The following C8orf88 variants were observed in gnomAD, a reference collection of about 807,000 sequenced individuals.
C8orf88 encodes the protein uncharacterized protein C8orf88.
Under a neutral mutation model 18.4 loss-of-function variants are expected in C8orf88, and 14 were observed. The ratio of observed to expected loss-of-function variants is 0.76; its 90% CI spans 0.50 to 1.19. The LOEUF is 1.19. C8orf88 is among the 50% of genes most tolerant of loss of function. C8orf88 has a pLI of 0.00. For missense variants in C8orf88, 116 were observed against 134.7 expected, an observed-to-expected ratio of 0.86 and a Z score of 0.69; for synonymous variants, 45 against 42.9, an observed-to-expected ratio of 1.05 and a Z score of -0.19.
At chr8:90,973,107 A>T (rs1366860871) in intron 3 of C8orf88, among the ~76,000 whole-genome samples, 1 of 152,132 alleles carries the variant, frequency 6.6e-6, no homozygotes, top group Non-Finnish European at 1.5e-5. Flanking sequence ...CAGAAAAATA[A>T]AAGAGCAAAT....
At chr8:90,978,058 C>T (rs1026342703) in intron 3 of C8orf88, among the ~76,000 whole-genome samples, 1 of 152,114 alleles carries the variant, frequency 6.6e-6, no homozygotes, top group African/African-American at 2.4e-5. Context: ...TACTTCTGAT[C>T]AGAGGAAATA....
chr8:90,970,479 T>C (rs375877479), intron 4 of C8orf88, among the ~76,000 whole-genome samples: 72 of 152,178 alleles, frequency 4.7e-4, no homozygotes, highest in African/African-American at 1.5e-3. Flanking sequence ...GGAGAGACTA[T>C]TGGTTCTCCC....
chr8:90,967,541 G>C (rs760044979), intron 4 of C8orf88, among the ~76,000 whole-genome samples: 1 of 151,762 alleles, frequency 6.6e-6, no homozygotes, highest in Non-Finnish European at 1.5e-5. Flanking sequence ...AAGCAATCTA[G>C]TCCTGAACTT....
At position 90,978,642 on chromosome 8, in the gene C8orf88, G is replaced by A. The variant is rs1181715982; in HGVS notation, c.84C>T (p.Phe28=). Residue 28 remains phenylalanine (F), a synonymous_variant, in exon 3 of 6, where the codon TTC becomes TTT. Transcript: ENST00000517562. ...RHLTSPPGAV[F]PFNFQNEYPC... Reference sequence around the variant, plus strand: ...GATATTCGTTTTGAAAGTTGAAAGGGAACACTGCTCCTGTTAGGAGAGGAA... The same window carrying A: ...GATATTCGTTTTGAAAGTTGAAAGGAAACACTGCTCCTGTTAGGAGAGGAA... 5 of 1,522,630 alleles carry A rather than the reference G, an allele frequency of 3.3e-6. No individual in the cohort carries two copies. In the South Asian group the frequency reaches 3.7e-5, roughly 11 times the overall value. 94.3% of individuals were successfully genotyped at this position (1,522,630 alleles called of 1,614,324 possible). A position where few individuals can be genotyped will look rare whatever the true frequency, so the allele number is the denominator to read the frequency against.
At chr8:90,985,288 G>T (rs1811492246), upstream of C8orf88, 1 of 146,498 alleles carries the variant, frequency 6.8e-6, no homozygotes, top group African/African-American at 2.5e-5. Flanking sequence ...GGGGCGGGGC[G>T]GGAGGCGGCT....
At chr8:90,973,916 A>C (rs1208726113) in intron 3 of C8orf88, among the ~76,000 whole-genome samples, 1 of 152,210 alleles carries the variant, frequency 6.6e-6, no homozygotes, top group African/African-American at 2.4e-5. Context: ...GAAAAGTTAA[A>C]GTGTGAGATT....
At chr8:90,969,768 A>T (rs1343339572) in intron 4 of C8orf88, among the ~76,000 whole-genome samples, 1 of 151,956 alleles carries the variant, frequency 6.6e-6, no homozygotes, top group African/African-American at 2.4e-5. Flanking sequence ...GTACATTTTT[A>T]AATGGTTAAA....
chr8:90,971,544 A>T (rs1811283632), intron 3 of C8orf88, among the ~76,000 whole-genome samples: 1 of 152,028 alleles, frequency 6.6e-6, no homozygotes, highest in Non-Finnish European at 1.5e-5. Flanking sequence ...TTAATTTCTG[A>T]AGTAGAGACT....
At chr8:90,973,302 T>C (rs1051737287) in intron 3 of C8orf88, among the ~76,000 whole-genome samples, 1 of 152,052 alleles carries the variant, frequency 6.6e-6, no homozygotes, top group Non-Finnish European at 1.5e-5. Context: ...TTAATGTTTA[T>C]GGAATAAAGG....
At chr8:90,977,500 G>GA (rs948376736) in intron 3 of C8orf88, among the ~76,000 whole-genome samples, 11 of 149,690 alleles carry the variant, frequency 7.3e-5, no homozygotes, top group East Asian at 1.9e-4. Context: ...ACAGAAAATG[G>GA]AAAAAAAAAT....
At chr8:90,965,608 T>C (rs1811183488) in intron 4 of C8orf88, among the ~76,000 whole-genome samples, 1 of 151,650 alleles carries the variant, frequency 6.6e-6, no homozygotes. Flanking sequence ...ACATGGAACA[T>C]TCTCCAGGAT....
At chr8:90,972,356 G>T (rs961182832) in intron 3 of C8orf88, among the ~76,000 whole-genome samples, 15 of 151,740 alleles carry the variant, frequency 9.9e-5, no homozygotes, top group African/African-American at 3.6e-4. Context: ...TAAGATTTGG[G>T]TTCTCCAAAG....
intron 4 of C8orf88, among the ~76,000 whole-genome samples, chr8:90,963,955 A>T (rs886853211): frequency 6.6e-6 from 1 of 151,610 alleles, no homozygotes; most frequent in African/African-American, 2.4e-5. Context: ...GAATCTATAC[A>T]TCTAAGAAGT....
At chr8:90,969,534 G>A (rs375073292) in intron 4 of C8orf88, among the ~76,000 whole-genome samples, 1 of 151,592 alleles carries the variant, frequency 6.6e-6, no homozygotes, top group East Asian at 1.9e-4. Flanking sequence ...AAAATAAATT[G>A]AAAAAAGGTG....
chr8:90,958,978 C>T lies in C8orf88; in HGVS notation c.*29G>A. The T allele has an allele frequency of 7.2e-7, 1 of 1,382,926 alleles. No homozygotes were observed. Among genetic ancestry groups the T allele is most frequent in the South Asian group, 1.3e-5 (1 of 74,250 alleles). 85.7% of individuals were successfully genotyped at this position (1,382,926 alleles called of 1,614,324 possible). On this transcript the variant is annotated 3_prime_UTR_variant, in exon 6 of 6. Coordinates refer to ENST00000517562, the MANE Select transcript of C8orf88 (RefSeq NM_001190972.2). The stretch of plus-strand genomic sequence containing the variant: ...TAGATCCACCTCATTTGCAGATGTC[C>T]AAACTTAAATTCATCTGTTCTTAAA...
intron 1 of C8orf88, among the ~76,000 whole-genome samples, chr8:90,982,204 A>C (rs2740772): frequency 6.6e-6 from 1 of 151,822 alleles, no homozygotes; most frequent in Non-Finnish European, 1.5e-5. Flanking sequence ...CTTTTTGTGC[A>C]ATACAATTGG....
At chr8:90,981,846 A>G (rs930060075) in intron 1 of C8orf88, among the ~76,000 whole-genome samples, 1 of 152,160 alleles carries the variant, frequency 6.6e-6, no homozygotes, top group African/African-American at 2.4e-5. Flanking sequence ...GTCAAAAATA[A>G]AACTCCACTT....
chr8:90,983,068 CA>C (rs2130329309), intron 1 of C8orf88, among the ~76,000 whole-genome samples: 1 of 152,168 alleles, frequency 6.6e-6, no homozygotes, highest in Admixed American at 6.5e-5. Flanking sequence ...ATGTAGAGAT[CA>C]AAAAGTTTCC....
chr8:90,970,110 G>A (rs1378867115), intron 4 of C8orf88, among the ~76,000 whole-genome samples: 5 of 151,922 alleles, frequency 3.3e-5, no homozygotes, highest in Admixed American at 3.3e-4. Flanking sequence ...TGTATGAAAA[G>A]GGAGATGTGC....
Sources: gnomAD v4.1 joint callset for allele counts (sites outside exome capture counted in the v4.1 genomes callset) on GRCh38, gnomAD v4.1.1 for gene constraint, MANE v1.5 for transcripts, NCBI Gene and HGNC (gene_info 2026-07-23, HGNC 2026-07-21) for gene names.